The following USP13 variants were observed in gnomAD, a reference collection of about 807,000 sequenced individuals.
USP13 encodes ubiquitin carboxyl-terminal hydrolase 13.
USP13 carries 68 observed loss-of-function variants against 107.8 expected under a neutral mutation model. The ratio of observed to expected loss-of-function variants is 0.63; its 90% confidence interval spans 0.52 to 0.77. The LOEUF (loss-of-function observed/expected upper bound fraction) is 0.77. USP13 is among the 30% of genes least tolerant of loss of function. The pLI, the probability that USP13 is intolerant of heterozygous loss-of-function variation, is 0.00. For missense variants in USP13, 945 were observed against 1,093.3 expected, an observed-to-expected ratio of 0.86 and a Z score of 1.91; for synonymous variants, 377 against 389.5, an observed-to-expected ratio of 0.97 and a Z score of 0.38.
At chr3:179,776,413 CTT>C (rs1020936116) in intron 19 of USP13, among the ~76,000 whole-genome samples, 5 of 152,120 alleles carry the variant, frequency 3.3e-5, no homozygotes, top group Admixed American at 6.5e-5. Context: ...TTCATAAACT[CTT>C]TTTAAACAGT....
intron 13 of USP13, among the ~76,000 whole-genome samples, chr3:179,747,983 T>C (rs1394145050): frequency 1.3e-5 from 2 of 152,234 alleles, no homozygotes; most frequent in Admixed American, 1.3e-4. Context: ...ATCCAGTTGT[T>C]AGTAATTGAA....
rs764140472 is a variant in USP13, at chr3:179,764,015, G to T, written c.2106G>T (p.Pro702=). 2 of 1,609,576 alleles carry T rather than the reference G, an allele frequency of 1.2e-6. No individual in the cohort carries two copies. Among genetic ancestry groups the T allele is most frequent in the Non-Finnish European group, 8.5e-7 (1 of 1,178,180 alleles). ...TATTTTTCTCAGATTTTGCTGAGCC[G>T]CTGACCATGCCTGGTTATGGAGGGG... is the stretch of plus-strand genomic sequence containing the variant. The part of the protein sequence containing the change: ...VHMEEPDFAE[P]LTMPGYGGAA... The change falls in exon 18 of 21, where the codon CCG becomes CCT. Residue 702 remains proline, a synonymous_variant. Transcript: ENST00000263966.
intron 3 of USP13, among the ~76,000 whole-genome samples, chr3:179,699,699 C>CAAAAA (rs10646420): frequency 0.042 from 4,957 of 117,978 alleles, 431 homozygotes; most frequent in South Asian, 0.053. Flanking sequence ...CACCCTGCCT[C>CAAAAA]AAAAAAAAAA....
intron 4 of USP13, among the ~76,000 whole-genome samples, chr3:179,702,088 C>G (rs560748188): frequency 6.6e-6 from 1 of 152,126 alleles, no homozygotes; most frequent in South Asian, 2.1e-4. Context: ...GGCGCGATCT[C>G]GGCTCACTGC....
chr3:179,708,206 C>T (rs1379572809), intron 5 of USP13, among the ~76,000 whole-genome samples: 3 of 152,074 alleles, frequency 2.0e-5, no homozygotes, highest in African/African-American at 7.2e-5. Flanking sequence ...TGTCAGTTTT[C>T]GAAAGTAAAA....
In USP13 at chr3:179,779,755, GA is replaced by G. The variant is rs1329925966; in HGVS notation, c.2414-1976del. Among the ~76,000 whole-genome samples, 16 of 144,726 alleles carry G rather than the reference GA, an allele frequency of 1.1e-4. No homozygotes were observed. In the South Asian group the frequency reaches 1.5e-3, roughly 13 times the overall value. 94.9% of individuals were successfully genotyped at this position (144,726 alleles called of 152,430 possible). A position where few individuals can be genotyped will look rare whatever the true frequency, so the allele number is the denominator to read the frequency against. Reference sequence around the variant, plus strand: ...AAAAAAAAGAAAAAGAAAAAAGAAAGAAAAAAAACCACTCTGGCAGCTATGG... The same window carrying G: ...AAAAAAAAGAAAAAGAAAAAAGAAAGAAAAAAACCACTCTGGCAGCTATGG... On this transcript the variant is annotated intron_variant, in intron 19 of 20. Transcript: ENST00000263966.
intron 3 of USP13, among the ~76,000 whole-genome samples, chr3:179,690,556 A>T (rs77208722): frequency 4.6e-5 from 7 of 152,242 alleles, no homozygotes; most frequent in African/African-American, 1.7e-4. Context: ...ATTCTGCTTC[A>T]GTTCTGTTTA....
At chr3:179,714,357 G>A (rs1435707752) in intron 6 of USP13, among the ~76,000 whole-genome samples, 2 of 152,172 alleles carry the variant, frequency 1.3e-5, no homozygotes, top group Admixed American at 6.5e-5. Flanking sequence ...CCAGCCCCAG[G>A]GTTTGGAATC....
At position 179,742,265 on chromosome 3, in the gene USP13, C is replaced by T. The variant is rs1395280154; in HGVS notation, c.1449C>T (p.Cys483=). The T allele has an allele frequency of 1.2e-6, 2 of 1,614,220 alleles. No homozygotes were observed. Among genetic ancestry groups the T allele is most frequent in the East Asian group, 2.2e-5 (1 of 44,886 alleles). The change falls in exon 12 of 21, where the codon TGC becomes TGT. Residue 483 remains cysteine, a synonymous_variant. Coordinates refer to ENST00000263966, the MANE Select transcript of USP13 (RefSeq NM_003940.3). This position sits in a 1 kb window ranked among gnomAD's most constrained non-coding sequence, Gnocchi z 5.0. ...TTTTGGTGGAAGAACGCATTCAGTG[C>T]TGTCAGACCCGGAAAGTCCGCTACA... is the stretch of plus-strand genomic sequence containing the variant. The part of the protein sequence containing the change: ...FRFLVEERIQ[C]CQTRKVRYTE...
intron 16 of USP13, among the ~76,000 whole-genome samples, chr3:179,758,639 C>G (rs530069338): frequency 6.6e-6 from 1 of 151,578 alleles, no homozygotes; most frequent in Non-Finnish European, 1.5e-5. Flanking sequence ...GCTGGGACTA[C>G]AGGCGCCTGC....
intron 13 of USP13, among the ~76,000 whole-genome samples, chr3:179,745,836 C>T (rs888124761): frequency 2.6e-4 from 39 of 152,090 alleles, no homozygotes; most frequent in African/African-American, 8.2e-4. Flanking sequence ...TGAAACGAGC[C>T]GCTCAGGGTT....
intron 6 of USP13, among the ~76,000 whole-genome samples, chr3:179,710,198 G>C (rs1712871655): frequency 6.6e-6 from 1 of 152,140 alleles, no homozygotes; most frequent in South Asian, 2.1e-4. Context: ...AAATCTTCCA[G>C]GATTGAAAGG....
chr3:179,677,013 A>T (rs1209474238), intron 1 of USP13, among the ~76,000 whole-genome samples: 1 of 151,874 alleles, frequency 6.6e-6, no homozygotes, highest in Non-Finnish European at 1.5e-5. Flanking sequence ...ACCTGCCACC[A>T]TGCCTAGCTA....
chr3:179,662,889 C>T (rs1720494121), intron 1 of USP13, among the ~76,000 whole-genome samples: 1 of 152,184 alleles, frequency 6.6e-6, no homozygotes, highest in South Asian at 2.1e-4. Flanking sequence ...GTTAAAGGAG[C>T]GGCCATCCAT....
intron 2 of USP13, among the ~76,000 whole-genome samples, chr3:179,689,957 A>T (rs187765895): frequency 6.6e-6 from 1 of 152,260 alleles, no homozygotes; most frequent in African/African-American, 2.4e-5. Context: ...GCAGGTGCTG[A>T]TTTGAAATTT....
chr3:179,750,326 G>GTGTGTGTATATATATATATA (rs1553797370), intron 13 of USP13, among the ~76,000 whole-genome samples: 17 of 75,846 alleles, frequency 2.2e-4, no homozygotes, highest in Admixed American at 1.0e-3. Context: ...ATATATGTGT[G>GTGTGTGTATATATATATATA]TATATATATA....
At chr3:179,693,345 G>GTCTCACTGTGTTGCCCA (rs1380606851) in intron 3 of USP13, among the ~76,000 whole-genome samples, 2 of 151,972 alleles carry the variant, frequency 1.3e-5, no homozygotes, top group Non-Finnish European at 2.9e-5. Context: ...AAGTGATGGG[G>GTCTCACTGTGTTGCCCA]TCTCACTGTG....
At chr3:179,747,248 C>A (rs1714442624) in intron 13 of USP13, among the ~76,000 whole-genome samples, 1 of 152,096 alleles carries the variant, frequency 6.6e-6, no homozygotes, top group African/African-American at 2.4e-5. Flanking sequence ...TATCTTTGGG[C>A]AGTTAGACCT....
chr3:179,717,055 T>C (rs1713136341), intron 6 of USP13, among the ~76,000 whole-genome samples: 1 of 152,198 alleles, frequency 6.6e-6, no homozygotes, highest in East Asian at 1.9e-4. Context: ...GGAGGATACC[T>C]CTGTGAACTC....
Sources: gnomAD v4.1 joint callset for allele counts (sites outside exome capture counted in the v4.1 genomes callset) on GRCh38, gnomAD v4.1.1 for gene constraint, Gnocchi (gnomAD v3.1) non-coding constraint, MANE v1.5 for transcripts, NCBI Gene and HGNC (gene_info 2026-07-23, HGNC 2026-07-21) for gene names.